The following TRPM3 variants were observed in gnomAD, a reference collection of about 807,000 sequenced individuals.
The protein encoded by TRPM3 is long transient receptor potential channel 3.
In TRPM3, 77 loss-of-function variants were observed where a neutral mutation model predicts 181.2. The ratio of observed to expected loss-of-function variants is 0.42; its 90% CI spans 0.35 to 0.51. The LOEUF (loss-of-function observed/expected upper bound fraction) is 0.51. Among genes scored for constraint, TRPM3 ranks in the 20% least tolerant of loss-of-function variants. The probability of loss-of-function intolerance (pLI) is 0.01; values close to 1 mark genes in which losing one functional copy is unlikely to be tolerated. For synonymous variants in TRPM3, 745 were observed against 796.4 expected, an observed-to-expected ratio of 0.94 and a Z score of 1.09; for missense variants, 1,759 against 2,196.7, an observed-to-expected ratio of 0.80 and a Z score of 3.98.
intron 1 of TRPM3, among the ~76,000 whole-genome samples, chr9:70,992,663 T>C (rs1288117875): frequency 6.6e-6 from 1 of 152,238 alleles, no homozygotes; most frequent in Non-Finnish European, 1.5e-5. Flanking sequence ...AACTGAATTT[T>C]TAATTCTATT....
chr9:70,619,227 T>A, intron 16 of TRPM3, 132 bp from the exon 17 acceptor site: 3 of 698,720 alleles, frequency 4.3e-6, no homozygotes, highest in Middle Eastern at 3.8e-4. Context: ...TCTAGTCTGT[T>A]TGTAAATTCA....
chr9:70,639,252 T>C, intron 10 of TRPM3, 58 bp from the exon 11 acceptor site: 1 of 1,591,172 alleles, frequency 6.3e-7, no homozygotes, highest in South Asian at 1.1e-5. Context: ...ATGCAGTTCT[T>C]TAGTGTTCAC....
chr9:70,648,159 A>G (rs536561324), intron 9 of TRPM3, among the ~76,000 whole-genome samples: 35 of 152,318 alleles, frequency 2.3e-4, no homozygotes, highest in East Asian at 5.8e-4. Flanking sequence ...GTATCAAACT[A>G]CCAGTGTAAT....
At chr9:71,291,598 T>A (rs545398645) in intron 1 of TRPM3, among the ~76,000 whole-genome samples, 15 of 152,046 alleles carry the variant, frequency 9.9e-5, no homozygotes, top group African/African-American at 3.6e-4. Flanking sequence ...TTAGCAGAGG[T>A]AAAAGAAAGT....
At chr9:71,135,423 G>A (rs954103692) in intron 1 of TRPM3, among the ~76,000 whole-genome samples, 29 of 152,252 alleles carry the variant, frequency 1.9e-4, no homozygotes, top group South Asian at 2.1e-4. Context: ...TGTGAACTCT[G>A]TCAGAGCACC....
chr9:71,183,291 C>T (rs1054544704), intron 1 of TRPM3, among the ~76,000 whole-genome samples: 3 of 152,268 alleles, frequency 2.0e-5, no homozygotes, highest in African/African-American at 7.2e-5. Flanking sequence ...TGTTCGTCTC[C>T]TGCCAAGTTC....
intron 1 of TRPM3, among the ~76,000 whole-genome samples, chr9:70,920,443 C>T (rs1337755917): frequency 1.3e-5 from 2 of 152,172 alleles, no homozygotes; most frequent in African/African-American, 4.8e-5. Flanking sequence ...TGGAAAATGA[C>T]AGACCATTTT....
chr9:70,809,672 A>G (rs934786468), intron 6 of TRPM3, among the ~76,000 whole-genome samples: 18 of 152,212 alleles, frequency 1.2e-4, no homozygotes, highest in African/African-American at 4.3e-4. Flanking sequence ...AAATCACCTA[A>G]TGATTCATTT....
At chr9:70,760,246 A>C (rs992834378) in intron 8 of TRPM3, among the ~76,000 whole-genome samples, 1 of 151,748 alleles carries the variant, frequency 6.6e-6, no homozygotes, top group African/African-American at 2.4e-5. Flanking sequence ...GACTGCTGAA[A>C]TGTATAGTCC....
chr9:71,438,478 TG>T (rs2094082425), intron 1 of TRPM3, among the ~76,000 whole-genome samples: 1 of 150,994 alleles, frequency 6.6e-6, no homozygotes. Flanking sequence ...GAGACCAGCC[TG>T]GGCAATGTGG....
intron 1 of TRPM3, among the ~76,000 whole-genome samples, chr9:71,416,587 A>T (rs1033123027): frequency 6.6e-6 from 1 of 151,964 alleles, no homozygotes; most frequent in Admixed American, 6.6e-5. Context: ...ACTATATTTT[A>T]AAAAACATAA....
At chr9:71,331,721 G>A (rs1297651501) in intron 1 of TRPM3, among the ~76,000 whole-genome samples, 3 of 115,198 alleles carry the variant, frequency 2.6e-5, no homozygotes, top group African/African-American at 6.9e-5. Context: ...AAAGGAGGAG[G>A]AAAAGGAGGA....
intron 1 of TRPM3, among the ~76,000 whole-genome samples, chr9:71,413,246 C>A (rs2093588222): frequency 6.6e-6 from 1 of 151,552 alleles, no homozygotes; most frequent in African/African-American, 2.4e-5. Flanking sequence ...TAAAGTATAA[C>A]AAAAAAATAA....
At chr9:71,151,929 G>T (rs12000209) in intron 1 of TRPM3, among the ~76,000 whole-genome samples, 12,732 of 152,046 alleles carry the variant, frequency 0.084, 684 homozygotes, top group African/African-American at 0.15. Context: ...TCAACTATCT[G>T]CCATCAACAA....
At chr9:70,987,457 T>C (rs562995532) in intron 1 of TRPM3, among the ~76,000 whole-genome samples, 1 of 152,336 alleles carries the variant, frequency 6.6e-6, no homozygotes, top group Non-Finnish European at 1.5e-5. Context: ...ATGGAGCATT[T>C]AGACAATTCT....
chr9:71,361,874 T>C (rs2132730248), intron 1 of TRPM3, among the ~76,000 whole-genome samples: 1 of 152,298 alleles, frequency 6.6e-6, no homozygotes. Context: ...TTCAAATATA[T>C]TTGAAATGAA....
At chr9:71,213,603 T>C (rs745998015) in intron 1 of TRPM3, among the ~76,000 whole-genome samples, 1 of 152,240 alleles carries the variant, frequency 6.6e-6, no homozygotes, top group Non-Finnish European at 1.5e-5. Flanking sequence ...CTTTGGAATA[T>C]CATAAATAGC....
chr9:70,682,337 C>T (rs966459787), intron 8 of TRPM3, among the ~76,000 whole-genome samples: 5 of 151,992 alleles, frequency 3.3e-5, no homozygotes, highest in Non-Finnish European at 7.4e-5. Context: ...ATCACTAATG[C>T]AAACATTTAT....
At chr9:71,229,347 C>T (rs2080896756) in intron 1 of TRPM3, among the ~76,000 whole-genome samples, 1 of 152,092 alleles carries the variant, frequency 6.6e-6, no homozygotes, top group Admixed American at 6.5e-5. Context: ...AATCAAAGAC[C>T]TCAAACTACG....
Sources: allele counts gnomAD v4.1 joint callset (sites outside exome capture counted in the v4.1 genomes callset), GRCh38; gene constraint gnomAD v4.1.1; transcripts MANE v1.5; gene names NCBI Gene and HGNC (gene_info 2026-07-23, HGNC 2026-07-21).